The following SULT6B1 variants were observed in gnomAD, a reference collection of about 807,000 sequenced individuals.
SULT6B1 encodes the protein sulfotransferase 6B1.
Under a neutral mutation model 37.2 loss-of-function variants are expected in SULT6B1, and 44 were observed. The observed-to-expected ratio is 1.18, with a 90% CI of 0.93 to 1.52. The LOEUF is 1.52. Ranked by LOEUF, SULT6B1 falls within the 40% of genes most tolerant of loss-of-function variation. The probability of loss-of-function intolerance (pLI) is 0.00; values close to 1 mark genes in which losing one functional copy is unlikely to be tolerated. For missense variants in SULT6B1, 450 were observed against 361.0 expected, an observed-to-expected ratio of 1.25 and a Z score of -2.00; for synonymous variants, 140 against 126.0, an observed-to-expected ratio of 1.11 and a Z score of -0.74.
chr2:37,169,192 T>C (rs999504100), intron 6 of SULT6B1, among the ~76,000 whole-genome samples: 5 of 152,212 alleles, frequency 3.3e-5, no homozygotes, highest in African/African-American at 4.8e-5. Flanking sequence ...TAACAATAGA[T>C]AGAAAGGTTC....
chr2:37,182,356 C>G (rs12994806), intron 3 of SULT6B1, among the ~76,000 whole-genome samples: 43,019 of 151,588 alleles, frequency 0.28, 6,766 homozygotes, highest in Non-Finnish European at 0.35. Context: ...CAGATTCAAG[C>G]GATTCTGCTG....
upstream of SULT6B1, among the ~76,000 whole-genome samples, chr2:37,193,025 A>C (rs1360577208): frequency 1.3e-5 from 2 of 152,184 alleles, no homozygotes; most frequent in Non-Finnish European, 2.9e-5. Flanking sequence ...GGTGGGTCTC[A>C]TGTTATATGA....
At chr2:37,189,424 A>C (rs565469213), upstream of SULT6B1, among the ~76,000 whole-genome samples, 1 of 152,356 alleles carries the variant, frequency 6.6e-6, no homozygotes, top group Non-Finnish European at 1.5e-5. Flanking sequence ...AAAGAAAGGA[A>C]AGCACACTTA....
At chr2:37,194,364 G>T in intron 1 of SULT6B1, 1 of 347,996 alleles carries the variant, frequency 2.9e-6, no homozygotes, top group Non-Finnish European at 5.5e-6. Context: ...ACAGGCATGA[G>T]CCACCGTGCC....
chr2:37,168,857 T>C (rs1439606353), intron 6 of SULT6B1, among the ~76,000 whole-genome samples: 1 of 152,172 alleles, frequency 6.6e-6, no homozygotes, highest in African/African-American at 2.4e-5. Context: ...TAGGTTGAAG[T>C]TGTAAGTTCC....
At chr2:37,194,894 TTCTTTCCTTCCTTCCTTCC>T (rs1676871119) in intron 1 of SULT6B1, among the ~76,000 whole-genome samples, 2 of 30,020 alleles carry the variant, frequency 6.7e-5, no homozygotes, top group Non-Finnish European at 1.3e-4. Context: ...CCTTCCTTCC[TTCTTTCCTTCCTTCCTTCC>T]TTCCTTCCTT....
At chr2:37,188,673 C>T (rs985224565), upstream of SULT6B1, 15 of 778,328 alleles carry the variant, frequency 1.9e-5, no homozygotes, top group African/African-American at 1.4e-4. Context: ...TGCTCTGTGG[C>T]TGTTCAGGGG....
chr2:37,183,361 C>T, intron 3 of SULT6B1, 64 bp downstream of exon 3: 2 of 1,279,814 alleles, frequency 1.6e-6, no homozygotes, highest in Non-Finnish European at 2.2e-6. Context: ...TCATGATCTA[C>T]TTCCAAAAAC....
intron 5 of SULT6B1, among the ~76,000 whole-genome samples, chr2:37,174,652 T>C (rs1030674307): frequency 3.9e-5 from 6 of 152,216 alleles, no homozygotes; most frequent in Non-Finnish European, 8.8e-5. Context: ...TCATTCTTTC[T>C]TTCCACCTTC....
intron 1 of SULT6B1, 100 bp from the exon 2 acceptor site, chr2:37,187,567 C>T (rs531593301): frequency 9.5e-6 from 6 of 634,326 alleles, no homozygotes; most frequent in Admixed American, 6.3e-5. Flanking sequence ...AATCTACAAC[C>T]ATTCCCTGAT....
At chr2:37,190,644 G>C (rs901497708), upstream of SULT6B1, among the ~76,000 whole-genome samples, 1 of 152,184 alleles carries the variant, frequency 6.6e-6, no homozygotes, top group Non-Finnish European at 1.5e-5. Context: ...CGGAGAGCCA[G>C]CAAACAGAGA....
At chr2:37,181,553 T>C (rs1014303159) in intron 3 of SULT6B1, among the ~76,000 whole-genome samples, 2 of 151,998 alleles carry the variant, frequency 1.3e-5, no homozygotes, top group African/African-American at 4.8e-5. Context: ...CTAATTTTTG[T>C]ATTTTTTGTA....
intron 4 of SULT6B1, among the ~76,000 whole-genome samples, chr2:37,179,151 G>C (rs1420666794): frequency 5.3e-5 from 8 of 152,056 alleles, no homozygotes; most frequent in Non-Finnish European, 1.2e-4. Flanking sequence ...GTAGAGATGG[G>C]GTTTCACCGT....
At chr2:37,185,546 G>C (rs1409887492) in intron 2 of SULT6B1, among the ~76,000 whole-genome samples, 1 of 151,554 alleles carries the variant, frequency 6.6e-6, no homozygotes. Flanking sequence ...ACGAAACCCC[G>C]TCTCTACTAA....
upstream of SULT6B1, chr2:37,188,757 A>T: frequency 1.9e-6 from 1 of 518,268 alleles, no homozygotes; most frequent in Non-Finnish European, 3.5e-6. Context: ...AAAAGAAATC[A>T]TTTAATTCTC....
At chr2:37,177,847 T>A (rs1018384475) in intron 4 of SULT6B1, among the ~76,000 whole-genome samples, 2 of 152,184 alleles carry the variant, frequency 1.3e-5, no homozygotes, top group African/African-American at 4.8e-5. Flanking sequence ...ACAACAAAAA[T>A]AAATACATTT....
chr2:37,183,993 A>G (rs1572463702), intron 2 of SULT6B1, among the ~76,000 whole-genome samples: 1 of 152,222 alleles, frequency 6.6e-6, no homozygotes, highest in East Asian at 1.9e-4. Flanking sequence ...AGGAATGAAG[A>G]ATCATAAATA....
At chr2:37,188,727 G>A (rs749299146), upstream of SULT6B1, 2 of 571,242 alleles carry the variant, frequency 3.5e-6, no homozygotes, top group Non-Finnish European at 3.1e-6. Flanking sequence ...TGGAATAAAG[G>A]GCTCCTCCCA....
At chr2:37,170,750 A>AC (rs1676277477) in intron 6 of SULT6B1, among the ~76,000 whole-genome samples, 1 of 151,064 alleles carries the variant, frequency 6.6e-6, no homozygotes, top group Admixed American at 6.6e-5. Flanking sequence ...AAAAAAAAAA[A>AC]AAAAAAAAAA....
Sources: allele counts gnomAD v4.1 joint callset (sites outside exome capture counted in the v4.1 genomes callset), GRCh38; gene constraint gnomAD v4.1.1; transcripts MANE v1.5; gene names NCBI Gene and HGNC (gene_info 2026-07-23, HGNC 2026-07-21).